TBC1D22A: variants seen among roughly 807,000 people sequenced by gnomAD.
TBC1D22A encodes the protein TBC1 domain family member 22A, also known as putative GTPase activator.
A neutral mutation model predicts 60.2 loss-of-function variants in TBC1D22A; 38 were observed. The ratio of observed to expected loss-of-function variants is 0.63; its 90% CI spans 0.49 to 0.83. The LOEUF is 0.83. Among genes scored for constraint, TBC1D22A ranks in the 40% least tolerant of loss-of-function variants. The pLI is 0.00. For synonymous variants in TBC1D22A, 302 were observed against 281.7 expected (o/e 1.07, Z -0.72); for missense variants, 628 against 701.0 (o/e 0.90, Z 1.18).
chr22:46,976,505 G>A lies in TBC1D22A; in HGVS notation c.1125+2106G>A, dbSNP rs9616185. Among the ~76,000 whole-genome samples, 407 of 152,278 alleles carry A rather than the reference G, an allele frequency of 2.7e-3. 3 individuals carry two copies. Among genetic ancestry groups the A allele is most frequent in the Non-Finnish European group, 3.5e-3 (235 of 68,030 alleles). The stretch of plus-strand genomic sequence containing the variant: ...GCGACTAGTGTTTACAAGCACTGCC[G>A]CTGTTTTAAGTTCAGAGAAGTATGA... On this transcript the variant is annotated intron_variant, in intron 9 of 12. Coordinates refer to ENST00000337137, the MANE Select transcript of TBC1D22A (RefSeq NM_014346.5).
intron 12 of TBC1D22A, among the ~76,000 whole-genome samples, chr22:47,161,476 C>T (rs1411495286): frequency 6.6e-6 from 1 of 152,232 alleles, no homozygotes; most frequent in Non-Finnish European, 1.5e-5. Context: ...CATTTCGTTA[C>T]ATGGATAGAC....
At chr22:47,071,781 T>C (rs1448378813) in intron 11 of TBC1D22A, among the ~76,000 whole-genome samples, 1 of 152,112 alleles carries the variant, frequency 6.6e-6, no homozygotes, top group Non-Finnish European at 1.5e-5. Context: ...ATTTCCTCAT[T>C]TGAATTTCTG....
rs562899410 is a variant in TBC1D22A, at chr22:47,164,540, C to T, written c.1426-8958C>T. Among the ~76,000 whole-genome samples, 337 of 152,346 alleles carry T rather than the reference C, an allele frequency of 2.2e-3. 1 individual carries two copies. The highest frequency in any genetic ancestry group is 3.9e-3 in the Non-Finnish European group (263 of 68,032). ...TGTCGAGTGCTGGGTCTCCCCTGCCCTTGCTGAGGAGACTGGCGGTCTCTC... is the reference window on the plus strand; with the variant it reads ...TGTCGAGTGCTGGGTCTCCCCTGCCTTTGCTGAGGAGACTGGCGGTCTCTC... On this transcript the variant is annotated intron_variant, in intron 12 of 12. Transcript: ENST00000337137.
At chr22:47,140,450 T>C (rs919676408) in intron 12 of TBC1D22A, among the ~76,000 whole-genome samples, 4 of 150,406 alleles carry the variant, frequency 2.7e-5, no homozygotes, top group Non-Finnish European at 1.5e-5. Context: ...TCCCAGCTAC[T>C]GGGGAGGCTG....
At chr22:47,132,826 G>A (rs554455842) in intron 12 of TBC1D22A, among the ~76,000 whole-genome samples, 20 of 150,616 alleles carry the variant, frequency 1.3e-4, no homozygotes, top group Admixed American at 6.6e-4. Context: ...ACTCCCGAGT[G>A]TCCGCGGAAA....
intron 12 of TBC1D22A, among the ~76,000 whole-genome samples, chr22:47,156,525 C>A (rs1439524862): frequency 2.6e-5 from 4 of 152,150 alleles, no homozygotes; most frequent in African/African-American, 9.7e-5. Context: ...TAGATCGATG[C>A]CTAGCTTGAG....
intron 8 of TBC1D22A, among the ~76,000 whole-genome samples, chr22:46,961,107 C>T (rs1176081214): frequency 6.6e-6 from 1 of 151,394 alleles, no homozygotes; most frequent in East Asian, 1.9e-4. Context: ...GGCTTAAACT[C>T]TTCATTTTCT....
At chr22:47,041,816 A>T (rs1437063772) in intron 11 of TBC1D22A, among the ~76,000 whole-genome samples, 2 of 152,202 alleles carry the variant, frequency 1.3e-5, no homozygotes, top group Non-Finnish European at 2.9e-5. Flanking sequence ...ACTTTTTCAC[A>T]ACTTCTCTGC....
intron 8 of TBC1D22A, chr22:46,915,745 C>T (rs191351014): frequency 9.4e-5 from 43 of 456,644 alleles, no homozygotes; most frequent in Non-Finnish European, 1.7e-4. Context: ...GATGTGTGTT[C>T]GCCATGTGTC....
intron 12 of TBC1D22A, among the ~76,000 whole-genome samples, chr22:47,162,649 G>A (rs550769728): frequency 1.1e-3 from 57 of 52,890 alleles, no homozygotes; most frequent in Non-Finnish European, 2.1e-3. Context: ...GAGAGTCGTG[G>A]GAATGGGACT....
At chr22:47,045,007 G>A (rs116334592) in intron 11 of TBC1D22A, among the ~76,000 whole-genome samples, 2,762 of 152,330 alleles carry the variant, frequency 0.018, 70 homozygotes, top group African/African-American at 0.054. Context: ...AGGAAAGAAT[G>A]ACTCTCCAAG....
chr22:47,088,080 AAAT>A (rs58677307), intron 11 of TBC1D22A, among the ~76,000 whole-genome samples: 6 of 121,388 alleles, frequency 4.9e-5, no homozygotes, highest in Non-Finnish European at 6.8e-5. Context: ...CTCAAATAAA[AAAT>A]AATAATAATA....
intron 5 of TBC1D22A, 102 bp downstream of exon 5, chr22:46,878,825 C>A: frequency 8.9e-7 from 1 of 1,123,568 alleles, no homozygotes. Context: ...ACGGGTTTGC[C>A]TTGGCTTTGT....
intron 12 of TBC1D22A, among the ~76,000 whole-genome samples, chr22:47,145,483 G>T (rs1236543446): frequency 2.0e-5 from 3 of 152,186 alleles, no homozygotes; most frequent in Non-Finnish European, 4.4e-5. Flanking sequence ...GAGAATCATT[G>T]ACTGAGGGTC....
At position 46,797,613 on chromosome 22, in the gene TBC1D22A, G is replaced by C. The variant is rs775677372; in HGVS notation, c.630G>C (p.Thr210=). ...AGCAGCTGCTTGCCGGCCCCAACAC[G>C]GACCTTGGTAAGCACCCTGCCCTCT... The part of the protein sequence containing the change: ...KFKQLLAGPN[T]DLEELRRLSW... Residue 210 remains threonine, a synonymous_variant, in exon 4 of 13, where the codon ACG becomes ACC. Coordinates refer to ENST00000337137, the MANE Select transcript of TBC1D22A (RefSeq NM_014346.5). 2 of 1,605,720 alleles carry C rather than the reference G, an allele frequency of 1.2e-6. No homozygotes were observed. Among genetic ancestry groups the C allele is most frequent in the Non-Finnish European group, 1.7e-6 (2 of 1,175,038 alleles).
At chr22:46,783,155 G>C (rs140802736) in intron 1 of TBC1D22A, among the ~76,000 whole-genome samples, 23 of 152,328 alleles carry the variant, frequency 1.5e-4, no homozygotes, top group African/African-American at 5.3e-4. Context: ...TGGGTGTGAA[G>C]TGGTATCCGA....
At chr22:47,045,024 C>T (rs1327604863) in intron 11 of TBC1D22A, among the ~76,000 whole-genome samples, 2 of 152,210 alleles carry the variant, frequency 1.3e-5, no homozygotes, top group African/African-American at 2.4e-5. Context: ...CAAGTGGGCG[C>T]TCGGGACCCC....
chr22:46,897,481 C>T (rs1011932992), intron 7 of TBC1D22A, among the ~76,000 whole-genome samples: 2 of 152,068 alleles, frequency 1.3e-5, no homozygotes, highest in Non-Finnish European at 2.9e-5. Context: ...GAAGACTTGG[C>T]CTGGGACCAG....
At chr22:46,872,890 C>T (rs543954965) in intron 4 of TBC1D22A, among the ~76,000 whole-genome samples, 47 of 152,184 alleles carry the variant, frequency 3.1e-4, no homozygotes, top group South Asian at 2.7e-3. Flanking sequence ...TTGAATAATC[C>T]CAAATGCAGT....
Sources: allele counts gnomAD v4.1 joint callset (sites outside exome capture counted in the v4.1 genomes callset), GRCh38; gene constraint gnomAD v4.1.1; transcripts MANE v1.5; gene names NCBI Gene and HGNC (gene_info 2026-07-23, HGNC 2026-07-21).